Variants in TMF1 observed in about 807,000 individuals in gnomAD.
TMF1 encodes TATA element modulatory factor 1.
A neutral mutation model predicts 126.5 loss-of-function variants in TMF1; 71 were observed. That is an observed-to-expected ratio of 0.56 (90% confidence interval 0.46 to 0.68). The LOEUF (loss-of-function observed/expected upper bound fraction) is 0.68, where lower values mean the gene tolerates loss of function less well. Among genes scored for constraint, TMF1 ranks in the 30% least tolerant of loss-of-function variants. TMF1 has a pLI of 0.00. For missense variants in TMF1, 1,259 were observed against 1,253.2 expected (o/e 1.00, Z -0.07); for synonymous variants, 461 against 430.5 (o/e 1.07, Z -0.88).
intron 11 of TMF1, 92 bp downstream of exon 11, chr3:69,029,723 G>A: frequency 1.6e-6 from 2 of 1,269,026 alleles, no homozygotes; most frequent in Non-Finnish European, 2.2e-6. Flanking sequence ...TTACAGGCGT[G>A]AGCCACGGCG....
chr3:69,039,537 T>G lies in TMF1; in HGVS notation c.1827+14A>C. 6.2e-7 allele frequency: 1 copy of G among 1,606,756 alleles called. No homozygotes were observed. Among genetic ancestry groups the G allele is most frequent in the South Asian group, 1.1e-5 (1 of 89,314 alleles). On this transcript the variant is annotated intron_variant, in intron 6 of 16. Coordinates refer to ENST00000398559, the MANE Select transcript of TMF1 (RefSeq NM_007114.3). ...ATAACAATATATATGTAGAGAATTA[T>G]GATTGCTATTCACCTGTTTCAAATG... is the stretch of plus-strand genomic sequence containing the variant.
chr3:69,028,217 G>A lies in TMF1; in HGVS notation c.2664+9C>T. The A allele has an allele frequency of 6.2e-7, 1 of 1,610,328 alleles. No homozygotes were observed. The highest frequency in any genetic ancestry group is 8.5e-7 in the Non-Finnish European group (1 of 1,177,200). Reference sequence around the variant, plus strand: ...GCCCTAAGAGCTGAGTGGTCACGAAGAGAAATACCTTTTCTTTCCTCGTCT... The same window carrying A: ...GCCCTAAGAGCTGAGTGGTCACGAAAAGAAATACCTTTTCTTTCCTCGTCT... On this transcript the variant is annotated intron_variant, in intron 12 of 16. Coordinates refer to ENST00000398559, the MANE Select transcript of TMF1 (RefSeq NM_007114.3).
chr3:69,027,976 T>G lies in TMF1; in HGVS notation c.2681A>C (p.Gln894Pro). 6.4e-7 allele frequency: 1 copy of G among 1,574,316 alleles called. No homozygotes were observed. The highest frequency in any genetic ancestry group is 8.7e-7 in the Non-Finnish European group (1 of 1,146,138). The change falls in exon 13 of 17, where the codon CAG (glutamine) becomes CCG (proline). Residue 894 changes from glutamine (Q) to proline (P), a missense_variant. Gln to Pro is a moderately conservative substitution (Grantham distance 76). Coordinates refer to ENST00000398559, the MANE Select transcript of TMF1 (RefSeq NM_007114.3). ...TRKEKTLLNSQLEMERMKVEQ... is the reference protein window; with the variant it reads ...TRKEKTLLNSPLEMERMKVEQ... ...AACTTTCATTCTTTCCATTTCTAAC[T>G]GACTATTCAACAATGTCTAATAGAG...
In TMF1 at chr3:69,052,061, A is replaced by T; in HGVS notation, c.26T>A (p.Leu9His). ...CAGGGCCTGCTTAGCGAAGCTGGAGAGCTGGGAGGCGTTGAACCAACTCAT... is the reference window on the plus strand; with the variant it reads ...CAGGGCCTGCTTAGCGAAGCTGGAGTGCTGGGAGGCGTTGAACCAACTCAT... MSWFNASQ[L>H]SSFAKQALSQ... is the part of the protein sequence containing the mutation. The change falls in exon 1 of 17, where the codon CTC becomes CAC. Residue 9 changes from leucine to histidine, a missense_variant. By Grantham distance (99) the Leu-to-His change is moderately conservative. Transcript: ENST00000398559. 6.2e-7 allele frequency: 1 copy of T among 1,612,650 alleles called. No homozygotes were observed. Among genetic ancestry groups the T allele is most frequent in the Non-Finnish European group, 8.5e-7 (1 of 1,179,586 alleles).
Position 69,021,204 on chromosome 3 carries a change from G to A in TMF1, c.*1973C>T, listed in dbSNP as rs2091727430. On this transcript the variant is annotated 3_prime_UTR_variant, in exon 17 of 17. Coordinates refer to ENST00000398559, the MANE Select transcript of TMF1 (RefSeq NM_007114.3). Reference sequence around the variant, plus strand: ...TTATTGTTTATCTCTTGCTGTCCCTGATTTATAAATAGAACTTTATCATAG... The same window carrying A: ...TTATTGTTTATCTCTTGCTGTCCCTAATTTATAAATAGAACTTTATCATAG... 1 of 152,484 alleles carries A rather than the reference G, an allele frequency of 6.6e-6. No individual in the cohort carries two copies. The highest frequency in any genetic ancestry group is 1.5e-5 in the Non-Finnish European group (1 of 68,008). 9.4% of individuals were successfully genotyped at this position (152,484 alleles called of 1,614,324 possible).
intron 8 of TMF1, among the ~76,000 whole-genome samples, chr3:69,035,653 G>A (rs1011835490): frequency 2.0e-5 from 3 of 152,072 alleles, no homozygotes; most frequent in Admixed American, 1.3e-4. Context: ...AAATAGGCTA[G>A]CAAAAACAAA....
chr3:69,025,709 C>T lies in TMF1; in HGVS notation c.2863G>A (p.Glu955Lys). ...GGTCCAAATGAGTGATCATGAGACT[C>T]ATCCTATGTTAATTAAGAAAGTTCA... ...GLQTSFLSQD[E>K]SHDHSFGPMP... Residue 955 changes from glutamate to lysine, a missense_variant, in exon 15 of 17, where the codon GAG becomes AAG. Glu to Lys is a moderately conservative substitution (Grantham distance 56, BLOSUM62 1). Transcript: ENST00000398559. 1.2e-6 allele frequency: 2 copies of T among 1,611,542 alleles called. No individual in the cohort carries two copies. The highest frequency in any genetic ancestry group is 1.7e-6 in the Non-Finnish European group (2 of 1,179,338).
chr3:69,051,928 G>T lies in TMF1; in HGVS notation c.142+17C>A. The T allele has an allele frequency of 6.2e-7, 1 of 1,610,074 alleles. No homozygotes were observed. The highest frequency in any genetic ancestry group is 8.5e-7 in the Non-Finnish European group (1 of 1,178,048). ...GCAGCCTCCGGGAGCCAGGAACCCC[G>T]CTCCTCTCTCTCTTACCCGGCTCTC... On this transcript the variant is annotated intron_variant, in intron 1 of 16. Coordinates refer to ENST00000398559, the MANE Select transcript of TMF1 (RefSeq NM_007114.3).
intron 2 of TMF1, 78 bp downstream of exon 2, chr3:69,047,280 A>T: frequency 6.9e-7 from 1 of 1,457,662 alleles, no homozygotes; most frequent in Non-Finnish European, 9.2e-7. Context: ...ATTATGCATC[A>T]ATGAAAGTAT....
chr3:69,023,365 A>G (rs769984015), intron 16 of TMF1, 45 bp from the exon 17 acceptor site: 1 of 1,478,520 alleles, frequency 6.8e-7, no homozygotes, highest in Non-Finnish European at 9.3e-7. Flanking sequence ...ACTACACAGA[A>G]CATCTTTAAT....
Position 69,047,967 on chromosome 3 carries a change from A to T in TMF1, c.738T>A (p.Val246=). The change falls in exon 2 of 17, where the codon GTT becomes GTA. Residue 246 remains valine (V), a synonymous_variant. Coordinates refer to ENST00000398559, the MANE Select transcript of TMF1 (RefSeq NM_007114.3). ...TAGAAGTACCTGATGAAAAGGTACT[A>T]ACAGGAGGAGAAGGTGTATTGCTCT... ...DRQSNTPSPP[V]STFSSGTSTT... is the part of the protein sequence containing the mutation. The T allele has an allele frequency of 6.2e-7, 1 of 1,613,906 alleles. No homozygotes were observed. The highest frequency in any genetic ancestry group is 8.5e-7 in the Non-Finnish European group (1 of 1,180,030).
At position 69,035,097 on chromosome 3, in the gene TMF1, C is replaced by A. The variant is rs1337225590; in HGVS notation, c.2170G>T (p.Ala724Ser). The A allele has an allele frequency of 1.2e-6, 2 of 1,614,114 alleles. No homozygotes were observed. The highest frequency in any genetic ancestry group is 2.2e-5 in the East Asian group (1 of 44,872). ...GCCGCTTGTTCTGTACGCTGCAATG[C>A]AAGCCTAAGGTCCCCCACCTGTAGG... ...LAIQVGDLRL[A>S]LQRTEQAAAR... Residue 724 changes from alanine (A) to serine (S), a missense_variant, in exon 9 of 17, where the codon GCA (alanine) becomes TCA (serine). Ala to Ser is a moderately conservative substitution (Grantham distance 99). Transcript: ENST00000398559.
Position 69,040,692 on chromosome 3 carries a change from C to G in TMF1, c.1685-999G>C, listed in dbSNP as rs146561067. The stretch of plus-strand genomic sequence containing the variant: ...CTGTAATCCCAGCACTTTTGGGAAG[C>G]AGGCGGATCACCAGAGGTCAGGAGT... On this transcript the variant is annotated intron_variant, in intron 5 of 16. Transcript: ENST00000398559. 2.8e-4 allele frequency among the ~76,000 whole-genome samples: 42 copies of G among 152,196 alleles called. 1 individual carries two copies. In the East Asian group the frequency reaches 7.9e-3, roughly 29 times the overall value.
At chr3:69,046,841 A>AT (rs904336457) in intron 2 of TMF1, among the ~76,000 whole-genome samples, 2 of 152,228 alleles carry the variant, frequency 1.3e-5, no homozygotes, top group African/African-American at 4.8e-5. Flanking sequence ...ATAAGGATAT[A>AT]TACTCCTTAT....
At chr3:69,037,255 G>C (rs879656500) in intron 8 of TMF1, among the ~76,000 whole-genome samples, 1 of 152,228 alleles carries the variant, frequency 6.6e-6, no homozygotes, top group Non-Finnish European at 1.5e-5. Flanking sequence ...CGCACTTTGG[G>C]AGGCCAAGGC....
rs779070346 is a variant in TMF1, at chr3:69,025,616, T to A, written c.2956A>T (p.Ile986Phe). Residue 986 changes from isoleucine to phenylalanine, a missense_variant, in exon 15 of 17, where the codon ATT (isoleucine) becomes TTT (phenylalanine). Transcript: ENST00000398559. ...AVRMGAGSSI[I>F]ENLQSQLKLR... is the part of the protein sequence containing the mutation. ...TTTAGCTGAGACTGTAGGTTTTCAATTATGCTTGATCCTGCTCCCATCCTT... is the reference window on the plus strand; with the variant it reads ...TTTAGCTGAGACTGTAGGTTTTCAAATATGCTTGATCCTGCTCCCATCCTT... 6.2e-7 allele frequency: 1 copy of A among 1,614,146 alleles called. No individual in the cohort carries two copies. The highest frequency in any genetic ancestry group is 8.5e-7 in the Non-Finnish European group (1 of 1,180,000).
At chr3:69,043,121 G>C (rs1354747995) in intron 4 of TMF1, among the ~76,000 whole-genome samples, 1 of 152,054 alleles carries the variant, frequency 6.6e-6, no homozygotes, top group Non-Finnish European at 1.5e-5. Context: ...AGATATACAA[G>C]CAAGTGTTAA....
At position 69,042,884 on chromosome 3, in the gene TMF1, G is replaced by A; in HGVS notation, c.1607C>T (p.Ala536Val). 1 of 1,612,662 alleles carries A rather than the reference G, an allele frequency of 6.2e-7. No homozygotes were observed. The highest frequency in any genetic ancestry group is 1.1e-5 in the South Asian group (1 of 90,990). The change falls in exon 5 of 17, where the codon GCC (alanine) becomes GTC (valine). Residue 536 changes from alanine to valine, a missense_variant. Transcript: ENST00000398559. The part of the protein sequence containing the change: ...KEIKNIKEEL[A>V]TRLNSSETAD... Reference sequence around the variant, plus strand: ...AGTTTCACTACTATTTAATCTAGTGGCAAGTTCTTCTTTTATGTTTTTGAT... The same window carrying A: ...AGTTTCACTACTATTTAATCTAGTGACAAGTTCTTCTTTTATGTTTTTGAT...
intron 1 of TMF1, among the ~76,000 whole-genome samples, chr3:69,049,690 T>C (rs546874824): frequency 1.3e-5 from 2 of 152,280 alleles, no homozygotes; most frequent in Non-Finnish European, 2.9e-5. Context: ...ACAAAGAAAA[T>C]GACTGTTTTC....
Sources: gnomAD v4.1 joint callset for allele counts (sites outside exome capture counted in the v4.1 genomes callset) on GRCh38, gnomAD v4.1.1 for gene constraint, MANE v1.5 for transcripts, NCBI Gene and HGNC (gene_info 2026-07-23, HGNC 2026-07-21) for gene names.